The following NECTIN2 variants were observed in gnomAD, a reference collection of about 807,000 sequenced individuals.
NECTIN2 encodes nectin-2.
In NECTIN2, 23 loss-of-function variants were observed where a neutral mutation model predicts 56.9. That is an observed-to-expected ratio of 0.40 (90% CI 0.29 to 0.57). NECTIN2 has a LOEUF of 0.57. Ranked by LOEUF, NECTIN2 falls within the 20% of genes least tolerant of loss-of-function variation. The pLI is 0.38. For missense variants in NECTIN2, 587 were observed against 718.3 expected, an observed-to-expected ratio of 0.82 and a Z score of 2.09; for synonymous variants, 302 against 313.8, an observed-to-expected ratio of 0.96 and a Z score of 0.40.
intron 2 of NECTIN2, among the ~76,000 whole-genome samples, chr19:44,870,771 C>T (rs1031784843): frequency 6.6e-6 from 1 of 151,066 alleles, no homozygotes; most frequent in African/African-American, 2.4e-5. Flanking sequence ...TCACTGTCAC[C>T]CAGGCTGGAG....
chr19:44,865,602 C>T lies in NECTIN2; in HGVS notation c.420C>T (p.Cys140=), dbSNP rs1212799392. The T allele has an allele frequency of 7.1e-6, 11 of 1,541,812 alleles. No homozygotes were observed. Among genetic ancestry groups the T allele is most frequent in the East Asian group, 4.9e-5 (2 of 40,966 alleles). The part of the protein sequence containing the change: ...LTVEDEGNYT[C]EFATFPKGSV... ...TGGAGGACGAGGGCAACTACACTTG[C>T]GAGTTTGCCACCTTCCCCAAGGGGT... The change falls in exon 2 of 9, where the codon TGC becomes TGT. Residue 140 remains cysteine, a synonymous_variant. Transcript: ENST00000252483. The surrounding 1 kb of genome is among the most constrained non-coding windows in gnomAD (Gnocchi z 5.2).
intron 5 of NECTIN2, chr19:44,878,491 T>TGAGGAGGAG (rs558397688): frequency 1.9e-6 from 3 of 1,611,048 alleles, no homozygotes; most frequent in Admixed American, 1.7e-5. Context: ...ATGGCAAGGA[T>TGAGGAGGAG]GAGGAGGAGG....
At chr19:44,881,199 C>T (rs1346831213) in intron 5 of NECTIN2, among the ~76,000 whole-genome samples, 2 of 152,062 alleles carry the variant, frequency 1.3e-5, no homozygotes, top group African/African-American at 4.8e-5. Flanking sequence ...TCAGTCACTG[C>T]CCCAAGCCCT....
intron 2 of NECTIN2, among the ~76,000 whole-genome samples, chr19:44,869,213 C>T (rs1969141560): frequency 6.6e-6 from 1 of 152,080 alleles, no homozygotes; most frequent in African/African-American, 2.4e-5. Flanking sequence ...TGGCTCACAC[C>T]TGTAATCCCA....
At chr19:44,847,462 C>G (rs1048426489) in intron 1 of NECTIN2, among the ~76,000 whole-genome samples, 1 of 152,136 alleles carries the variant, frequency 6.6e-6, no homozygotes, top group Non-Finnish European at 1.5e-5. Context: ...GGGCTTCAGA[C>G]TTAATTGTAG....
intron 2 of NECTIN2, among the ~76,000 whole-genome samples, chr19:44,866,404 CTAAT>C (rs1297731229): frequency 1.3e-5 from 2 of 151,952 alleles, no homozygotes; most frequent in Non-Finnish European, 2.9e-5. Flanking sequence ...GGCCCTATCT[CTAAT>C]AAATAAATAA....
At chr19:44,850,110 G>C (rs543272316) in intron 1 of NECTIN2, among the ~76,000 whole-genome samples, 3 of 152,164 alleles carry the variant, frequency 2.0e-5, no homozygotes, top group Non-Finnish European at 4.4e-5. Context: ...TGACGCAGGA[G>C]AATCGTTTGA....
At chr19:44,853,947 T>C (rs2046495084) in intron 1 of NECTIN2, among the ~76,000 whole-genome samples, 1 of 152,052 alleles carries the variant, frequency 6.6e-6, no homozygotes, top group South Asian at 2.1e-4. Context: ...GTGATATATC[T>C]AGTGTGTGAG....
At chr19:44,873,879 C>T (rs758385217) in intron 3 of NECTIN2, 37 bp from the exon 4 acceptor site, 14 of 1,497,482 alleles carry the variant, frequency 9.3e-6, no homozygotes, top group Non-Finnish European at 1.3e-5. Context: ...CTCTGGGATT[C>T]TCCTCCTTGC....
chr19:44,846,584 C>CGCTGCT lies in NECTIN2; in HGVS notation c.72_77dup (p.Leu26_Leu27dup). Reference sequence around the variant, plus strand: ...TCGCCGCCGACGCCGCTGCTGTGGCCGCTGCTGCTGCTGCTGCTCCTGGAA... The same window carrying CGCTGCT: ...TCGCCGCCGACGCCGCTGCTGTGGCCGCTGCTGCTGCTGCTGCTGCTGCTCCTGGAA... On this transcript the variant is annotated inframe_insertion, in exon 1 of 9. Coordinates refer to ENST00000252483, the MANE Select transcript of NECTIN2 (RefSeq NM_001042724.2). 2 of 1,524,452 alleles carry CGCTGCT rather than the reference C, an allele frequency of 1.3e-6. No homozygotes were observed. Among genetic ancestry groups the CGCTGCT allele is most frequent in the Non-Finnish European group, 8.8e-7 (1 of 1,142,196 alleles). 94.4% of individuals were successfully genotyped at this position (1,524,452 alleles called of 1,614,324 possible).
Position 44,865,644 on chromosome 19 carries a change from C to T in NECTIN2, c.462C>T (p.Thr154=), listed in dbSNP as rs1969092317. Residue 154 remains threonine (T), a synonymous_variant, in exon 2 of 9, where the codon ACC becomes ACT. Coordinates refer to ENST00000252483, the MANE Select transcript of NECTIN2 (RefSeq NM_001042724.2). The surrounding 1 kb of genome is among the most constrained non-coding windows in gnomAD (Gnocchi z 5.2). ...TFPKGSVRGM[T]WLRVIAKPKN... ...CCAAGGGGTCCGTCCGAGGGATGAC[C>T]TGGCTCAGAGTCATAGGTGAGCAGG... The T allele has an allele frequency of 2.6e-6, 4 of 1,531,636 alleles. 1 individual carries two copies. In the South Asian group the frequency reaches 4.8e-5, roughly 18 times the overall value. The allele number at this position is 1,531,636 out of a possible 1,614,324, so 94.9% of individuals were successfully genotyped here.
chr19:44,887,302 C>T (rs978761439), intron 8 of NECTIN2, among the ~76,000 whole-genome samples: 14 of 145,568 alleles, frequency 9.6e-5, no homozygotes, highest in African/African-American at 3.6e-4. Context: ...TGAGCTGAGA[C>T]CACGCCACTG....
intron 1 of NECTIN2, among the ~76,000 whole-genome samples, chr19:44,855,541 C>A (rs1968956366): frequency 6.6e-6 from 1 of 152,164 alleles, no homozygotes; most frequent in Non-Finnish European, 1.5e-5. Flanking sequence ...CCAGGAAGCT[C>A]TTCTTTCGTT....
chr19:44,881,268 AG>A (rs1969304839), intron 5 of NECTIN2, among the ~76,000 whole-genome samples: 1 of 152,070 alleles, frequency 6.6e-6, no homozygotes, highest in South Asian at 2.1e-4. Context: ...TCTGGATCCC[AG>A]AATTCTGTCC....
chr19:44,885,666 A>G (rs887358843), intron 6 of NECTIN2, among the ~76,000 whole-genome samples: 23 of 152,310 alleles, frequency 1.5e-4, no homozygotes, highest in Non-Finnish European at 2.6e-4. Context: ...GTAATTATAA[A>G]TAACATTTCA....
In NECTIN2 at chr19:44,865,320, C is replaced by T. The variant is rs1425634600; in HGVS notation, c.138C>T (p.Leu46=). 6.2e-6 allele frequency: 10 copies of T among 1,613,962 alleles called. No individual in the cohort carries two copies. The highest frequency in any genetic ancestry group is 1.7e-5 in the Admixed American group (1 of 60,004). ...VQVLPEVRGQ[L]GGTVELPCHL... is the part of the protein sequence containing the mutation. ...TGCTACCCGAGGTGCGAGGCCAGCT[C>T]GGGGGCACCGTGGAGCTGCCGTGCC... Residue 46 remains leucine (L), a synonymous_variant, in exon 2 of 9, where the codon CTC becomes CTT. Transcript: ENST00000252483. The surrounding 1 kb of genome is among the most constrained non-coding windows in gnomAD (Gnocchi z 5.2).
At chr19:44,886,357 T>G in intron 8 of NECTIN2, 138 bp downstream of exon 8, 1 of 662,904 alleles carries the variant, frequency 1.5e-6, no homozygotes, top group Non-Finnish European at 2.6e-6. Context: ...CTTAATGCAT[T>G]GAGATGTGTT....
chr19:44,862,321 A>G (rs1045364675), intron 1 of NECTIN2, among the ~76,000 whole-genome samples: 5 of 152,014 alleles, frequency 3.3e-5, no homozygotes, highest in South Asian at 2.1e-4. Flanking sequence ...AGGCTGAGGC[A>G]GGAGAATGGT....
intron 1 of NECTIN2, among the ~76,000 whole-genome samples, chr19:44,858,472 G>A (rs1024379449): frequency 5.3e-5 from 8 of 151,902 alleles, no homozygotes; most frequent in South Asian, 2.1e-4. Context: ...ACAGGGGCCC[G>A]CCACCACGCC....
Sources: gnomAD v4.1 joint callset for allele counts (sites outside exome capture counted in the v4.1 genomes callset) on GRCh38, gnomAD v4.1.1 for gene constraint, Gnocchi (gnomAD v3.1) non-coding constraint, MANE v1.5 for transcripts, NCBI Gene and HGNC (gene_info 2026-07-23, HGNC 2026-07-21) for gene names.